CSE1L: variants seen among roughly 807,000 people sequenced by gnomAD.
CSE1L encodes exportin-2.
CSE1L carries 24 observed loss-of-function variants against 120.4 expected under a neutral mutation model. The observed-to-expected ratio is 0.20, with a 90% confidence interval of 0.14 to 0.28. The LOEUF (loss-of-function observed/expected upper bound fraction) is 0.28, where lower values mean the gene tolerates loss of function less well. CSE1L is among the 10% of genes least tolerant of loss of function. The pLI is 1.00. For synonymous variants in CSE1L, 402 were observed against 398.3 expected (o/e 1.01, Z -0.11); for missense variants, 830 against 1,145.2 (o/e 0.72, Z 3.97).
intron 1 of CSE1L, among the ~76,000 whole-genome samples, chr20:49,053,902 C>T (rs1415464033): frequency 1.3e-5 from 2 of 152,108 alleles, no homozygotes; most frequent in African/African-American, 2.4e-5. Context: ...GTTGCCCAGG[C>T]AGGTCTTGAA....
In CSE1L at chr20:49,057,536, C is replaced by G. The variant is rs147992258; in HGVS notation, c.-11-917C>G. The stretch of plus-strand genomic sequence containing the variant: ...TGGCACCATCTCAGCTCACTGCAAC[C>G]TCTGCCCCCAGGCTCAAGACATCTT... On this transcript the variant is annotated intron_variant, in intron 1 of 24. Transcript: ENST00000262982. Among the ~76,000 whole-genome samples the G allele has an allele frequency of 5.3e-5, 8 of 151,436 alleles. 1 individual carries two copies. The highest frequency in any genetic ancestry group is 1.9e-4 in the African/African-American group (8 of 41,234).
intron 1 of CSE1L, among the ~76,000 whole-genome samples, chr20:49,057,608 A>G (rs1008012649): frequency 2.6e-5 from 4 of 151,834 alleles, no homozygotes; most frequent in Non-Finnish European, 4.4e-5. Flanking sequence ...ACCCACTACC[A>G]TGCCTGGCTA....
At position 49,058,453 on chromosome 20, in the gene CSE1L, A is replaced by G. The variant is rs770183164; in HGVS notation, c.-11A>G. On this transcript the variant is annotated splice_region_variant and 5_prime_UTR_variant, in exon 2 of 25. Transcript: ENST00000262982. ...ATCCAAACCTTATTTTATATTTTAG[A>G]TCCTATAGCAATGGAACTCAGCGAT... 8 of 1,597,088 alleles carry G rather than the reference A, an allele frequency of 5.0e-6. No individual in the cohort carries two copies. Among genetic ancestry groups the G allele is most frequent in the Non-Finnish European group, 6.8e-6 (8 of 1,169,878 alleles).
At chr20:49,065,223 CT>C (rs1195517116) in intron 3 of CSE1L, among the ~76,000 whole-genome samples, 1 of 145,186 alleles carries the variant, frequency 6.9e-6, no homozygotes, top group Admixed American at 7.0e-5. Context: ...TAAATTGAAG[CT>C]TTTGAGGATG....
intron 3 of CSE1L, among the ~76,000 whole-genome samples, chr20:49,065,312 AATTTTTTTTTTTTTT>A: frequency 1.3e-5 from 1 of 79,418 alleles, no homozygotes; most frequent in South Asian, 4.1e-4. Flanking sequence ...ATGAAAAAAA[AATTTTTTTTTTTTTT>A]TTTTTTTTTT....
intron 16 of CSE1L, among the ~76,000 whole-genome samples, chr20:49,086,799 G>T (rs895639976): frequency 6.6e-6 from 1 of 152,222 alleles, no homozygotes; most frequent in Non-Finnish European, 1.5e-5. Context: ...TTCTGCGCCA[G>T]CCTAGTGGAG....
At chr20:49,067,729 T>TTTTTTTC (rs1003586970) in intron 6 of CSE1L, among the ~76,000 whole-genome samples, 2 of 151,652 alleles carry the variant, frequency 1.3e-5, no homozygotes, top group African/African-American at 4.8e-5. Flanking sequence ...ATATATATAC[T>TTTTTTTC]TTTTTTCTTT....
rs191531529 is a variant in CSE1L, at chr20:49,074,349, G to C, written c.1067-436G>C. On this transcript the variant is annotated intron_variant, in intron 10 of 24. Transcript: ENST00000262982. ...AGCCTCCCAAAGTGCTAGGTTACAC[G>C]CGTGAGCCACCATGCCGGCCATTTC... Among the ~76,000 whole-genome samples the C allele has an allele frequency of 2.6e-5, 4 of 151,766 alleles. No homozygotes were observed. In the South Asian group the frequency reaches 8.3e-4, roughly 32 times the overall value.
chr20:49,094,615 G>A, intron 23 of CSE1L, 117 bp from the exon 24 acceptor site: 1 of 696,872 alleles, frequency 1.4e-6, no homozygotes, highest in Non-Finnish European at 2.4e-6. Context: ...AATTTCAAAG[G>A]TCCCCTTTTA....
chr20:49,079,747 A>G (rs1254060327), intron 14 of CSE1L, among the ~76,000 whole-genome samples: 1 of 152,094 alleles, frequency 6.6e-6, no homozygotes, highest in East Asian at 1.9e-4. Flanking sequence ...TACAGATTTT[A>G]CATCCCAGGA....
At chr20:49,074,176 AGTGTGT>A (rs71184254) in intron 10 of CSE1L, among the ~76,000 whole-genome samples, 27,879 of 115,134 alleles carry the variant, frequency 0.24, 3,483 homozygotes, top group East Asian at 0.36. Context: ...ATACAACTGC[AGTGTGT>A]GTGTGTGTGT....
chr20:49,065,873 C>T lies in CSE1L; in HGVS notation c.229-319C>T, dbSNP rs534127188. 2.6e-5 allele frequency among the ~76,000 whole-genome samples: 4 copies of T among 152,200 alleles called. No individual in the cohort carries two copies. The South Asian group carries it at 6.2e-4, about 24-fold the overall frequency. ...CCTCTCAAAGTGCTGGGATTATAGG[C>T]GTGAGCCACTGCGCCCAGTCTAAAA... On this transcript the variant is annotated intron_variant, in intron 3 of 24. Coordinates refer to ENST00000262982, the MANE Select transcript of CSE1L (RefSeq NM_001316.4).
At chr20:49,086,422 A>G (rs908010012) in intron 16 of CSE1L, among the ~76,000 whole-genome samples, 5 of 130,568 alleles carry the variant, frequency 3.8e-5, no homozygotes, top group Middle Eastern at 4.9e-3. Flanking sequence ...CTGGAGTGCA[A>G]TGGCACAATC....
intron 2 of CSE1L, among the ~76,000 whole-genome samples, chr20:49,059,296 C>CT (rs1042302601): frequency 9.9e-5 from 15 of 150,990 alleles, no homozygotes; most frequent in South Asian, 2.1e-4. Context: ...AGACCTAGAG[C>CT]TTTTTTTTTC....
Position 49,068,105 on chromosome 20 carries a change from A to G in CSE1L, c.568-610A>G, listed in dbSNP as rs560859214. ...ATAATAAAGAATTGGAAACAACCTA[A>G]ATACCAAGTGGCAGATGAATTGTTT... On this transcript the variant is annotated intron_variant, in intron 6 of 24. Transcript: ENST00000262982. Among the ~76,000 whole-genome samples, 56 of 152,190 alleles carry G rather than the reference A, an allele frequency of 3.7e-4. No individual in the cohort carries two copies. In the Middle Eastern group the frequency reaches 0.01, roughly 28 times the overall value.
rs745643592 is a variant in CSE1L at position 49,078,589 on chromosome 20, C to T, written c.1449C>T (p.Asp483=). 54 of 1,571,062 alleles carry T rather than the reference C, an allele frequency of 3.4e-5. No homozygotes were observed. The highest frequency in any genetic ancestry group is 2.1e-4 in the South Asian group (18 of 84,066). ...NVNEFPVLKA[D]GIKYIMIFRN... is the part of the protein sequence containing the mutation. The stretch of plus-strand genomic sequence containing the variant: ...ATGAATTTCCTGTCCTTAAAGCTGA[C>T]GGTATCAAATATATTATGATTTTTA... Residue 483 remains aspartate (D), a synonymous_variant, in exon 14 of 25, where the codon GAC becomes GAT. Transcript: ENST00000262982.
chr20:49,090,859 T>C lies in CSE1L; in HGVS notation c.2279+20T>C. On this transcript the variant is annotated intron_variant, in intron 20 of 24. Coordinates refer to ENST00000262982, the MANE Select transcript of CSE1L (RefSeq NM_001316.4). The stretch of plus-strand genomic sequence containing the variant: ...GCCTCCGTGAGTATGACTAGAACTT[T>C]GTGCATTTATTTAGAAATTTTGTTA... 6.2e-7 allele frequency: 1 copy of C among 1,606,202 alleles called. No homozygotes were observed. Among genetic ancestry groups the C allele is most frequent in the Non-Finnish European group, 8.5e-7 (1 of 1,175,554 alleles).
chr20:49,085,419 T>C, intron 16 of CSE1L, 33 bp downstream of exon 16: 2 of 1,491,814 alleles, frequency 1.3e-6, no homozygotes, highest in Non-Finnish European at 1.9e-6. Context: ...AGACTACAGG[T>C]ATCCAATCTC....
At chr20:49,047,696 CCT>C (rs1189565432) in intron 1 of CSE1L, among the ~76,000 whole-genome samples, 4 of 150,658 alleles carry the variant, frequency 2.7e-5, no homozygotes, top group African/African-American at 9.8e-5. Context: ...CCTGCCTCAG[CCT>C]CCCGAATAGC....
Sources: allele counts gnomAD v4.1 joint callset (sites outside exome capture counted in the v4.1 genomes callset), GRCh38; gene constraint gnomAD v4.1.1; transcripts MANE v1.5; gene names NCBI Gene and HGNC (gene_info 2026-07-23, HGNC 2026-07-21).